AEBP2: variants seen among roughly 807,000 people sequenced by gnomAD.
AEBP2 encodes zinc finger protein AEBP2.
In AEBP2, 10 loss-of-function variants were observed where a neutral mutation model predicts 50.8. The ratio of observed to expected loss-of-function variants is 0.20; its 90% CI spans 0.12 to 0.33. AEBP2 has a LOEUF of 0.33. AEBP2 is among the 10% of genes least tolerant of loss of function. The probability of loss-of-function intolerance (pLI) is 1.00; values close to 1 mark genes in which losing one functional copy is unlikely to be tolerated. For synonymous variants in AEBP2, 296 were observed against 261.3 expected, an observed-to-expected ratio of 1.13 and a Z score of -1.28; for missense variants, 570 against 688.0, an observed-to-expected ratio of 0.83 and a Z score of 1.92.
rs1468546800 is a variant in AEBP2 at position 19,408,988 on chromosome 12, A to G, written c.-17+4772A>G. Among the ~76,000 whole-genome samples the G allele has an allele frequency of 2.0e-5, 3 of 152,058 alleles. No homozygotes were observed. The South Asian group carries it at 6.2e-4, about 32-fold the overall frequency. On this transcript the variant is annotated intron_variant, in intron 1 of 3. Transcript: ENST00000538425. The stretch of plus-strand genomic sequence containing the variant: ...TTTTTTTTTGTTTCTTTTCCGGAAG[A>G]TATATTTTATGTAAATATAAGCAAA...
chr12:19,480,712 C>T (rs1003776210), intron 3 of AEBP2, among the ~76,000 whole-genome samples: 1 of 152,142 alleles, frequency 6.6e-6, no homozygotes, highest in Non-Finnish European at 1.5e-5. Flanking sequence ...TCCCACAACT[C>T]GTAATATTCT....
intron 1 of AEBP2, among the ~76,000 whole-genome samples, chr12:19,425,439 C>T (rs1439845341): frequency 2.0e-5 from 3 of 151,836 alleles, no homozygotes; most frequent in African/African-American, 7.3e-5. Context: ...GCCTGTAATC[C>T]CAGCACTTTG....
intron 1 of AEBP2, among the ~76,000 whole-genome samples, chr12:19,460,749 G>A (rs1006686158): frequency 6.6e-6 from 1 of 151,012 alleles, no homozygotes; most frequent in Non-Finnish European, 1.5e-5. Context: ...CCGCCTCCTG[G>A]GTTCACACCA....
chr12:19,424,076 G>A (rs2095747243), intron 1 of AEBP2, among the ~76,000 whole-genome samples: 1 of 152,190 alleles, frequency 6.6e-6, no homozygotes, highest in South Asian at 2.1e-4. Context: ...GGAAGACCTT[G>A]TAGAATAAGA....
chr12:19,406,637 C>T (rs1258024087), intron 1 of AEBP2, among the ~76,000 whole-genome samples: 2 of 151,054 alleles, frequency 1.3e-5, no homozygotes, highest in Admixed American at 6.6e-5. Context: ...GCTGAGATTG[C>T]GCCATTGCAC....
intron 1 of AEBP2, among the ~76,000 whole-genome samples, chr12:19,447,256 ATTCCCTAG>A (rs1948087875): frequency 6.6e-6 from 1 of 152,144 alleles, no homozygotes; most frequent in South Asian, 2.1e-4. Context: ...TTTCTGTGTA[ATTCCCTAG>A]TTCACATTCA....
At chr12:19,486,486 G>A (rs908142843) in intron 3 of AEBP2, among the ~76,000 whole-genome samples, 3 of 151,922 alleles carry the variant, frequency 2.0e-5, no homozygotes, top group African/African-American at 7.3e-5. Context: ...CAATCTCCCT[G>A]GCTCAGGTGT....
chr12:19,457,344 G>T, intron 1 of AEBP2: 1 of 1,469,646 alleles, frequency 6.8e-7, no homozygotes, highest in Middle Eastern at 1.8e-4. Context: ...TTTTGATGAA[G>T]TCTCTGTGGT....
intron 3 of AEBP2, among the ~76,000 whole-genome samples, chr12:19,488,877 C>T (rs1169329675): frequency 6.6e-6 from 1 of 152,250 alleles, no homozygotes; most frequent in Non-Finnish European, 1.5e-5. Flanking sequence ...ACAACCTCCG[C>T]CTCCCAGGTT....
At chr12:19,482,126 C>G (rs1332714814) in intron 3 of AEBP2, among the ~76,000 whole-genome samples, 2 of 152,142 alleles carry the variant, frequency 1.3e-5, no homozygotes, top group Non-Finnish European at 2.9e-5. Context: ...CCCACTTCCT[C>G]TAGGGATGGG....
intron 1 of AEBP2, among the ~76,000 whole-genome samples, chr12:19,446,929 C>CA (rs551318644): frequency 1.5e-3 from 227 of 149,886 alleles, no homozygotes; most frequent in African/African-American, 5.3e-3. Context: ...TCACAAAAAA[C>CA]AAAAAAACAA....
At chr12:19,420,450 C>T (rs1317250639) in intron 1 of AEBP2, among the ~76,000 whole-genome samples, 12 of 149,000 alleles carry the variant, frequency 8.1e-5, no homozygotes, top group African/African-American at 3.0e-4. Context: ...TCTCCTATCT[C>T]AGCCTCCCAA....
rs1486177099 is a variant in AEBP2 at position 19,519,279 on chromosome 12, T to G, written c.*1162T>G. ...TAGATGTTTTCTAGAGGCATGAAAGTTAAATGTATATATTATGGTAGAAAT... is the reference window on the plus strand; with the variant it reads ...TAGATGTTTTCTAGAGGCATGAAAGGTAAATGTATATATTATGGTAGAAAT... On this transcript the variant is annotated 3_prime_UTR_variant, in exon 8 of 8. Transcript: ENST00000266508. 6.6e-6 allele frequency: 1 copy of G among 152,550 alleles called. No individual in the cohort carries two copies. The highest frequency in any genetic ancestry group is 1.5e-5 in the Non-Finnish European group (1 of 67,984). 9.4% of individuals were successfully genotyped at this position (152,550 alleles called of 1,614,324 possible).
chr12:19,455,415 A>G (rs548732402), intron 1 of AEBP2, among the ~76,000 whole-genome samples: 1 of 152,310 alleles, frequency 6.6e-6, no homozygotes, highest in South Asian at 2.1e-4. Context: ...ATGTTAGTGA[A>G]CTTTTCTCAG....
chr12:19,456,570 G>A (rs1948273242), intron 1 of AEBP2: 2 of 1,536,766 alleles, frequency 1.3e-6, no homozygotes, highest in Non-Finnish European at 1.8e-6. Context: ...GGCATAGCCA[G>A]CACTTATTTG....
At chr12:19,504,748 T>C (rs1555187520) in intron 5 of AEBP2, among the ~76,000 whole-genome samples, 1 of 152,136 alleles carries the variant, frequency 6.6e-6, no homozygotes, top group Non-Finnish European at 1.5e-5. Flanking sequence ...ACAGCAAATA[T>C]ACCAATTAAA....
chr12:19,445,192 AT>A lies in AEBP2; in HGVS notation c.671+4823del, dbSNP rs1948038007. 2.0e-5 allele frequency among the ~76,000 whole-genome samples: 3 copies of A among 151,428 alleles called. No individual in the cohort carries two copies. The Middle Eastern group carries it at 0.01, about 519-fold the overall frequency. On this transcript the variant is annotated intron_variant, in intron 1 of 7. Transcript: ENST00000266508. ...TACAGATGTATATAGAATCCATGTT[AT>A]GTGACAGATGCTTTATTTTTTTTGA...
At chr12:19,404,357 G>A (rs946809782) in intron 1 of AEBP2, 1 of 152,242 alleles carries the variant, frequency 6.6e-6, no homozygotes, top group African/African-American at 2.4e-5. Context: ...GCCTTCCCCT[G>A]TGGCCTGGGT....
rs1949192873 is a variant in AEBP2, at chr12:19,508,893, A to C, written c.1300-3505A>C. On this transcript the variant is annotated intron_variant, in intron 5 of 7. Coordinates refer to ENST00000266508, the MANE Select transcript of AEBP2 (RefSeq NM_153207.5). ...CTTCCTCTTCCGGAACGTTGTCTGC[A>C]GGCACTCAGAATGGTCCAGCATTTG... 4 of 279,670 alleles carry C rather than the reference A, an allele frequency of 1.4e-5. No individual in the cohort carries two copies. The Admixed American group carries it at 1.4e-4, about 10-fold the overall frequency. The allele number at this position is 279,670 out of a possible 1,614,324, so 17.3% of individuals were successfully genotyped here.
Sources: allele counts gnomAD v4.1 joint callset (sites outside exome capture counted in the v4.1 genomes callset), GRCh38; gene constraint gnomAD v4.1.1; transcripts MANE v1.5; gene names NCBI Gene and HGNC (gene_info 2026-07-23, HGNC 2026-07-21).